AVEN: variants seen among roughly 807,000 people sequenced by gnomAD.
AVEN encodes apoptosis and caspase activation inhibitor.
Under a neutral mutation model 38.1 loss-of-function variants are expected in AVEN, and 41 were observed. That is an observed-to-expected ratio of 1.08 (90% CI 0.84 to 1.40). The LOEUF is 1.40. Ranked by LOEUF, AVEN falls within the 40% of genes most tolerant of loss-of-function variation. The pLI, the probability that AVEN is intolerant of heterozygous loss-of-function variation, is 0.00. For missense variants in AVEN, 605 were observed against 438.8 expected (o/e 1.38, Z -3.38); for synonymous variants, 206 against 171.8 (o/e 1.20, Z -1.56).
intron 2 of AVEN, among the ~76,000 whole-genome samples, chr15:33,945,897 T>C: frequency 6.6e-6 from 1 of 152,220 alleles, no homozygotes; most frequent in Non-Finnish European, 1.5e-5. Context: ...AAAATGTTTA[T>C]TTTTAAATAA....
At chr15:33,922,968 AAT>A (rs1418513374) in intron 2 of AVEN, among the ~76,000 whole-genome samples, 1 of 152,220 alleles carries the variant, frequency 6.6e-6, no homozygotes, top group Non-Finnish European at 1.5e-5. Flanking sequence ...TAGCTATTCT[AAT>A]CAGTTTCTCA....
At chr15:33,914,218 G>C (rs1893030879) in intron 2 of AVEN, among the ~76,000 whole-genome samples, 1 of 151,714 alleles carries the variant, frequency 6.6e-6, no homozygotes, top group African/African-American at 2.4e-5. Context: ...TCTTTATAAA[G>C]TTTGAATGTA....
rs1052714350 is a variant in AVEN at position 34,032,057 on chromosome 15, G to GA, written c.267+6722dup. 1.4e-4 allele frequency among the ~76,000 whole-genome samples: 19 copies of GA among 140,472 alleles called. 1 individual carries two copies. The highest frequency in any genetic ancestry group is 4.5e-4 in the South Asian group (2 of 4,404). 92.2% of individuals were successfully genotyped at this position (140,472 alleles called of 152,430 possible). A position where few individuals can be genotyped will look rare whatever the true frequency, so the allele number is the denominator to read the frequency against. ...CACACACACAGGGCTTCTAACAAAA[G>GA]AAAAAAAAAATCAAAGAGAACTAAT... is the stretch of plus-strand genomic sequence containing the variant. On this transcript the variant is annotated intron_variant, in intron 1 of 5. Coordinates refer to ENST00000306730, the MANE Select transcript of AVEN (RefSeq NM_020371.3).
At chr15:34,043,616 A>T (rs1034676007), upstream of AVEN, among the ~76,000 whole-genome samples, 1 of 152,174 alleles carries the variant, frequency 6.6e-6, no homozygotes, top group Non-Finnish European at 1.5e-5. Context: ...GGTGGAGAAA[A>T]GGGAAAGTGA....
At chr15:33,853,694 T>A in the AVEN span, 2 of 1,609,744 alleles carry the variant, frequency 1.2e-6, no homozygotes, top group African/African-American at 2.7e-5. Context: ...TACAAAAAGC[T>A]TAGGAGTTCA....
intron 1 of AVEN, among the ~76,000 whole-genome samples, chr15:34,024,267 C>T (rs1324189183): frequency 1.3e-5 from 2 of 152,026 alleles, no homozygotes; most frequent in East Asian, 3.9e-4. Context: ...ATTATAAATA[C>T]ATAAGACACC....
At chr15:33,893,355 T>G (rs1486374683) in intron 2 of AVEN, among the ~76,000 whole-genome samples, 1 of 152,144 alleles carries the variant, frequency 6.6e-6, no homozygotes, top group African/African-American at 2.4e-5. Context: ...TGGCTGTATC[T>G]CCACAGAAAT....
intron 2 of AVEN, among the ~76,000 whole-genome samples, chr15:33,968,343 A>G (rs1018746826): frequency 3.9e-5 from 6 of 152,062 alleles, no homozygotes; most frequent in Non-Finnish European, 4.4e-5. Context: ...AACAGAGAAC[A>G]CCTATCAAAA....
intron 2 of AVEN, among the ~76,000 whole-genome samples, chr15:33,944,944 G>A (rs1269609601): frequency 6.6e-6 from 1 of 152,124 alleles, no homozygotes; most frequent in Non-Finnish European, 1.5e-5. Flanking sequence ...TACCAGGCAC[G>A]GACTCTCCAC....
rs769874555 is a variant in AVEN, at chr15:33,867,635, G to A, written c.833C>T (p.Ala278Val). The A allele has an allele frequency of 3.1e-6, 5 of 1,614,050 alleles. No homozygotes were observed. In the East Asian group the frequency reaches 1.1e-4, roughly 36 times the overall value. ...TAGTTCTTCTTCCAAATGGTCTCCT[G>A]CTGACTGCAGTGGGGAAGTGGGTTT... ...SQKPTSPLQS[A>V]GDHLEEELDL... is the part of the protein sequence containing the mutation. The change falls in exon 5 of 6, where the codon GCA becomes GTA. Residue 278 changes from alanine (A) to valine (V), a missense_variant. Physicochemically the swap from Ala to Val is moderately conservative, Grantham distance 64 (BLOSUM62 0). Coordinates refer to ENST00000306730, the MANE Select transcript of AVEN (RefSeq NM_020371.3).
rs141695597 is a variant in AVEN, at chr15:33,960,161, A to C, written c.445+42871T>G. On this transcript the variant is annotated intron_variant, in intron 2 of 5. Transcript: ENST00000306730. ...TAACAAAAGCAGAAGCCTACAAACC[A>C]GATACACGAACCTCTTTCAGCACAG... Among the ~76,000 whole-genome samples, 192 of 152,350 alleles carry C rather than the reference A, an allele frequency of 1.3e-3. 2 individuals are homozygous for C. In the East Asian group the frequency reaches 0.033, roughly 26 times the overall value.
intron 2 of AVEN, among the ~76,000 whole-genome samples, chr15:33,905,992 C>G (rs545295493): frequency 6.6e-6 from 1 of 152,258 alleles, no homozygotes; most frequent in Non-Finnish European, 1.5e-5. Flanking sequence ...TCAGTACCTC[C>G]TATACATGAA....
chr15:34,062,164 A>G (rs763527058), intron 5 of AVEN, among the ~76,000 whole-genome samples: 2 of 152,238 alleles, frequency 1.3e-5, no homozygotes, highest in African/African-American at 4.8e-5. Flanking sequence ...AACAACAAAA[A>G]GCAAAAGGAT....
intron 2 of AVEN, among the ~76,000 whole-genome samples, chr15:33,966,891 T>C (rs1041974946): frequency 5.9e-5 from 9 of 152,152 alleles, no homozygotes; most frequent in African/African-American, 2.2e-4. Flanking sequence ...TATAATATTA[T>C]AGTCATCGAT....
chr15:33,870,048 T>G (rs1039764291), intron 4 of AVEN, among the ~76,000 whole-genome samples: 4 of 152,160 alleles, frequency 2.6e-5, no homozygotes, highest in African/African-American at 9.7e-5. Context: ...AACTCACCCT[T>G]CCTGATCCTA....
chr15:33,985,686 A>G (rs1249481985), intron 2 of AVEN, among the ~76,000 whole-genome samples: 1 of 152,060 alleles, frequency 6.6e-6, no homozygotes, highest in African/African-American at 2.4e-5. Flanking sequence ...ATGATGCATG[A>G]TACACCTGAT....
rs924944486 is a variant in AVEN at position 33,995,639 on chromosome 15, C to T, written c.445+7393G>A. On this transcript the variant is annotated intron_variant, in intron 2 of 5. Coordinates refer to ENST00000306730, the MANE Select transcript of AVEN (RefSeq NM_020371.3). ...AAAGAGTTTCTGCTCAGACATTTTTCGAAGTTACTGAAATGACTAAATGAA... is the reference window on the plus strand; with the variant it reads ...AAAGAGTTTCTGCTCAGACATTTTTTGAAGTTACTGAAATGACTAAATGAA... Among the ~76,000 whole-genome samples the T allele has an allele frequency of 4.6e-5, 7 of 152,150 alleles. No homozygotes were observed. In the East Asian group the frequency reaches 5.8e-4, roughly 13 times the overall value.
chr15:34,020,869 T>C (rs1367160707), intron 1 of AVEN, among the ~76,000 whole-genome samples: 3 of 152,230 alleles, frequency 2.0e-5, no homozygotes, highest in South Asian at 2.1e-4. Context: ...TGCCATTTTG[T>C]ATTAAAAAAC....
intron 2 of AVEN, among the ~76,000 whole-genome samples, chr15:33,887,904 T>C (rs1348212797): frequency 6.6e-6 from 1 of 152,088 alleles, no homozygotes; most frequent in African/African-American, 2.4e-5. Context: ...ATACAAATAA[T>C]CAAAGCTTCC....
Sources: allele counts gnomAD v4.1 joint callset (sites outside exome capture counted in the v4.1 genomes callset), GRCh38; gene constraint gnomAD v4.1.1; transcripts MANE v1.5; gene names NCBI Gene and HGNC (gene_info 2026-07-23, HGNC 2026-07-21).